ZCWPW1: variants seen among roughly 807,000 people sequenced by gnomAD.
ZCWPW1 encodes zinc finger CW-type and PWWP domain containing 1.
In ZCWPW1, 56 loss-of-function variants were observed where a neutral mutation model predicts 81.3. The observed-to-expected ratio is 0.69, with a 90% CI of 0.56 to 0.86. The LOEUF (loss-of-function observed/expected upper bound fraction) is 0.86, where lower values mean the gene tolerates loss of function less well. Among genes scored for constraint, ZCWPW1 ranks in the 40% least tolerant of loss-of-function variants. ZCWPW1 has a pLI of 0.00. For synonymous variants in ZCWPW1, 250 were observed against 273.7 expected, an observed-to-expected ratio of 0.91 and a Z score of 0.86; for missense variants, 650 against 769.8, an observed-to-expected ratio of 0.84 and a Z score of 1.84.
intron 8 of ZCWPW1, among the ~76,000 whole-genome samples, chr7:100,414,987 C>T (rs1198520413): frequency 6.0e-5 from 9 of 150,730 alleles, no homozygotes; most frequent in South Asian, 4.2e-4. Flanking sequence ...ATCGCGCCAC[C>T]GCACTCCAGC....
intron 3 of ZCWPW1, 122 bp downstream of exon 3, chr7:100,420,500 A>C: frequency 2.8e-6 from 3 of 1,061,076 alleles, no homozygotes; most frequent in South Asian, 2.7e-5. Context: ...CTAGCAGAGC[A>C]GTAATTTGAC....
rs1584235440 is a variant in ZCWPW1, at chr7:100,401,379, C to G, written c.1628-43G>C. 5 of 1,464,234 alleles carry G rather than the reference C, an allele frequency of 3.4e-6. No individual in the cohort carries two copies. The African/African-American group carries it at 7.1e-5, about 21-fold the overall frequency. The allele number at this position is 1,464,234 out of a possible 1,614,324, so 90.7% of individuals were successfully genotyped here. On this transcript the variant is annotated intron_variant, in intron 17 of 17. Transcript: ENST00000684423. The stretch of plus-strand genomic sequence containing the variant: ...AAAGCCAAGAGTCCTATTAGGTCAG[C>G]CTGTCCTTACCTTTTATAAGTCAAA...
At position 100,419,835 on chromosome 7, in the gene ZCWPW1, G is replaced by C. The variant is rs367741086; in HGVS notation, c.77C>G (p.Ser26Cys). ...KRIFAPPAQK[S>C]YSLLPCSPNS... ...AGGGCTACAAGGTAACAGGCTGTAA[G>C]ATTTTTGTGCAGGTGGGGCAAAGAT... The change falls in exon 4 of 18, where the codon TCT becomes TGT. Residue 26 changes from serine (S) to cysteine (C), a missense_variant. By Grantham distance (112) the Ser-to-Cys change is moderately radical. Coordinates refer to ENST00000684423, the MANE Select transcript of ZCWPW1 (RefSeq NM_001386010.1). 1 of 1,596,988 alleles carries C rather than the reference G, an allele frequency of 6.3e-7. No individual in the cohort carries two copies. The highest frequency in any genetic ancestry group is 8.5e-7 in the Non-Finnish European group (1 of 1,174,454).
chr7:100,406,330 T>G (rs1013170212), intron 12 of ZCWPW1, among the ~76,000 whole-genome samples: 1 of 152,138 alleles, frequency 6.6e-6, no homozygotes, highest in South Asian at 2.1e-4. Context: ...CATCCCACGA[T>G]GCACAGGACA....
chr7:100,416,537 G>C, intron 6 of ZCWPW1, 81 bp from the exon 7 acceptor site: 1 of 1,480,344 alleles, frequency 6.8e-7, no homozygotes, highest in Non-Finnish European at 9.3e-7. Flanking sequence ...CCGAGTAAAA[G>C]GAAGACAGAT....
intron 3 of ZCWPW1, 30 bp from the exon 4 acceptor site, chr7:100,419,913 T>C: frequency 6.6e-7 from 1 of 1,517,392 alleles, no homozygotes; most frequent in East Asian, 2.3e-5. Flanking sequence ...GTGGAATTTA[T>C]GAAACATACA....
At chr7:100,404,143 A>G in intron 14 of ZCWPW1, 35 bp downstream of exon 14, 7 of 1,602,936 alleles carry the variant, frequency 4.4e-6, no homozygotes, top group Non-Finnish European at 6.0e-6. Context: ...AATCCCTCCC[A>G]TCCTTCTCCA....
chr7:100,420,145 A>C (rs1228452902), intron 3 of ZCWPW1, among the ~76,000 whole-genome samples: 1 of 152,224 alleles, frequency 6.6e-6, no homozygotes, highest in Non-Finnish European at 1.5e-5. Flanking sequence ...ACTAAGTCAA[A>C]GGTGATAAAT....
At chr7:100,417,222 A>ATT in intron 5 of ZCWPW1, 39 bp from the exon 6 acceptor site, 1 of 1,549,006 alleles carries the variant, frequency 6.5e-7, no homozygotes, top group Non-Finnish European at 8.9e-7. Context: ...AAGCAAAAAA[A>ATT]CGAAAAAGCC....
chr7:100,416,412 C>T lies in ZCWPW1; in HGVS notation c.524G>A (p.Gly175Asp). ...HTQEISVSWE[G>D]EAAPEIRTSK... ...TGTCCTTATCTCAGGGGCAGCTTCA[C>T]CTTCCCAAGACACTGAAATCTCTTG... The change falls in exon 7 of 18, where the codon GGT becomes GAT. Residue 175 changes from glycine (G) to aspartate (D), a missense_variant. Physicochemically the swap from Gly to Asp is moderately conservative, Grantham distance 94 (BLOSUM62 -1). Transcript: ENST00000684423. 3 of 1,614,176 alleles carry T rather than the reference C, an allele frequency of 1.9e-6. No homozygotes were observed. The highest frequency in any genetic ancestry group is 2.5e-6 in the Non-Finnish European group (3 of 1,180,034).
At chr7:100,404,156 C>A (rs761995553) in intron 14 of ZCWPW1, 22 bp downstream of exon 14, 87 of 1,613,262 alleles carry the variant, frequency 5.4e-5, no homozygotes, top group South Asian at 3.2e-4. Flanking sequence ...CTTCTCCAGT[C>A]CTCAACCTCC....
At chr7:100,421,362 C>T (rs1161519928) in intron 2 of ZCWPW1, among the ~76,000 whole-genome samples, 1 of 152,176 alleles carries the variant, frequency 6.6e-6, no homozygotes, top group Non-Finnish European at 1.5e-5. Flanking sequence ...ATTTCATAAG[C>T]CTCTCCTAAA....
intron 2 of ZCWPW1, among the ~76,000 whole-genome samples, chr7:100,421,282 G>GT (rs1206406807): frequency 2.0e-5 from 3 of 152,222 alleles, no homozygotes; most frequent in East Asian, 1.9e-4. Flanking sequence ...AGCATAGGTG[G>GT]TAGTAGAGCA....
chr7:100,417,231 C>T (rs1795443961), intron 5 of ZCWPW1, 48 bp from the exon 6 acceptor site: 3 of 1,467,660 alleles, frequency 2.0e-6, no homozygotes, highest in South Asian at 1.2e-5. Context: ...AACGAAAAAG[C>T]CACTCTATTA....
chr7:100,418,790 C>CA (rs374789575), intron 5 of ZCWPW1: 28,155 of 132,932 alleles, frequency 0.21, 2,907 homozygotes, highest in African/African-American at 0.31. Context: ...GATTCCATCT[C>CA]AAAAAAAAAA....
intron 4 of ZCWPW1, 138 bp downstream of exon 4, chr7:100,419,492 G>C: frequency 1.4e-6 from 2 of 1,409,038 alleles, no homozygotes; most frequent in South Asian, 3.1e-5. Context: ...AAAAAAAAAA[G>C]GAAGCCCTCA....
Position 100,421,117 on chromosome 7 carries a change from C to T in ZCWPW1, c.-29-439G>A, listed in dbSNP as rs532759935. On this transcript the variant is annotated intron_variant, in intron 2 of 17. Coordinates refer to ENST00000684423, the MANE Select transcript of ZCWPW1 (RefSeq NM_001386010.1). Reference sequence around the variant, plus strand: ...GTGAGCCAAAATTGTGCCCCAGCACCCCAGCCTAGGTGACAGAGTGAGACC... The same window carrying T: ...GTGAGCCAAAATTGTGCCCCAGCACTCCAGCCTAGGTGACAGAGTGAGACC... 5.9e-5 allele frequency among the ~76,000 whole-genome samples: 9 copies of T among 152,164 alleles called. No homozygotes were observed. The East Asian group carries it at 1.2e-3, about 20-fold the overall frequency.
chr7:100,415,867 G>T (rs1326604841), intron 8 of ZCWPW1, 108 bp downstream of exon 8: 13 of 1,396,764 alleles, frequency 9.3e-6, no homozygotes, highest in Non-Finnish European at 1.3e-5. Context: ...GCAGCTGTGA[G>T]AGATTGACTA....
intron 8 of ZCWPW1, among the ~76,000 whole-genome samples, chr7:100,414,692 C>T (rs1036114964): frequency 6.6e-6 from 1 of 151,962 alleles, no homozygotes; most frequent in Non-Finnish European, 1.5e-5. Context: ...TTTGAACACA[C>T]TAGTATATTG....
Sources: allele counts gnomAD v4.1 joint callset (sites outside exome capture counted in the v4.1 genomes callset), GRCh38; gene constraint gnomAD v4.1.1; transcripts MANE v1.5; gene names NCBI Gene and HGNC (gene_info 2026-07-23, HGNC 2026-07-21).